SORBS2: variants seen among roughly 807,000 people sequenced by gnomAD.
The protein encoded by SORBS2 is sorbin and SH3 domain-containing protein 2.
Under a neutral mutation model 97.7 loss-of-function variants are expected in SORBS2, and 46 were observed. The ratio of observed to expected loss-of-function variants is 0.47; its 90% CI spans 0.37 to 0.60. The LOEUF (loss-of-function observed/expected upper bound fraction) is 0.60, where lower values mean the gene tolerates loss of function less well. Among genes scored for constraint, SORBS2 ranks in the 20% least tolerant of loss-of-function variants. The probability of loss-of-function intolerance (pLI) is 0.00; values close to 1 mark genes in which losing one functional copy is unlikely to be tolerated. For missense variants in SORBS2, 1,316 were observed against 1,282.3 expected (o/e 1.03, Z -0.40); for synonymous variants, 476 against 473.4 (o/e 1.01, Z -0.07).
chr4:185,810,108 T>C (rs2099173422), intron 1 of SORBS2, among the ~76,000 whole-genome samples: 1 of 152,240 alleles, frequency 6.6e-6, no homozygotes, highest in African/African-American at 2.4e-5. Context: ...TTAAACATAA[T>C]GAAGTACAAG....
intron 1 of SORBS2, among the ~76,000 whole-genome samples, chr4:185,897,972 G>T (rs539166570): frequency 6.6e-6 from 1 of 152,304 alleles, no homozygotes; most frequent in East Asian, 1.9e-4. Flanking sequence ...AGGAAGCAAA[G>T]GTTGCAGTGA....
At chr4:185,650,978 T>C (rs962802371) in intron 2 of SORBS2, among the ~76,000 whole-genome samples, 1 of 152,056 alleles carries the variant, frequency 6.6e-6, no homozygotes, top group African/African-American at 2.4e-5. Context: ...AGGAGGATCA[T>C]GCGACCCCAG....
rs144311200 is a variant in SORBS2 at position 185,600,727 on chromosome 4, T to G, written c.2797-6792A>C. On this transcript the variant is annotated intron_variant, in intron 12 of 14. Coordinates refer to ENST00000418609, the Ensembl canonical transcript of SORBS2. Reference sequence around the variant, plus strand: ...CTGCTTTTTCATCTTATTGAAGGGATGCAAGGTGAGATAGAGGAGAATTTG... The same window carrying G: ...CTGCTTTTTCATCTTATTGAAGGGAGGCAAGGTGAGATAGAGGAGAATTTG... Among the ~76,000 whole-genome samples the G allele has an allele frequency of 3.4e-3, 524 of 152,314 alleles. 3 individuals carry two copies. The highest frequency in any genetic ancestry group is 0.012 in the African/African-American group (501 of 41,564).
At chr4:185,651,675 T>C in intron 2 of SORBS2, 109 bp downstream of exon 11, 2 of 744,880 alleles carry the variant, frequency 2.7e-6, no homozygotes, top group Non-Finnish European at 4.9e-6. Flanking sequence ...TCCTAATATA[T>C]GAACTGAAAA....
chr4:185,912,934 T>G (rs2099256119), intron 1 of SORBS2, among the ~76,000 whole-genome samples: 1 of 152,184 alleles, frequency 6.6e-6, no homozygotes, highest in South Asian at 2.1e-4. Flanking sequence ...TAACACCCAT[T>G]ATTGTGCTGC....
At chr4:185,598,094 T>C (rs112987366) in intron 12 of SORBS2, among the ~76,000 whole-genome samples, 5 of 152,314 alleles carry the variant, frequency 3.3e-5, no homozygotes, top group African/African-American at 1.2e-4. Context: ...AATATACACT[T>C]GTGACATTCA....
chr4:185,910,502 G>A (rs766579271), intron 1 of SORBS2, among the ~76,000 whole-genome samples: 5 of 152,126 alleles, frequency 3.3e-5, no homozygotes, highest in Non-Finnish European at 5.9e-5. Context: ...CACAGATAGA[G>A]CTTGAAGATC....
At chr4:185,612,687 A>G (rs2096560607) in intron 11 of SORBS2, among the ~76,000 whole-genome samples, 1 of 151,974 alleles carries the variant, frequency 6.6e-6, no homozygotes, top group African/African-American at 2.4e-5. Flanking sequence ...TAGGGGTTTC[A>G]CCATGTTGGT....
intron 1 of SORBS2, among the ~76,000 whole-genome samples, chr4:185,928,793 A>G (rs570726261): frequency 1.2e-4 from 19 of 152,184 alleles, no homozygotes; most frequent in East Asian, 5.8e-4. Context: ...TGATCCGCCC[A>G]CCTCGGCCTC....
Position 185,623,393 on chromosome 4 carries a change from T to C in SORBS2, c.1736A>G (p.Glu579Gly), listed in dbSNP as rs755472291. Residue 579 changes from glutamate (E) to glycine (G), a missense_variant, in exon 7 of 15, where the codon GAA becomes GGA. Transcript: ENST00000418609. This position sits in a 1 kb window ranked among gnomAD's most constrained non-coding sequence, Gnocchi z 6.4. ...CTCGGTGTTTTCGTGTCTGGCTCTT[T>C]CGTGTTTTAACATTGTGGTAAATCG... 4 of 1,612,444 alleles carry C rather than the reference T, an allele frequency of 2.5e-6. No individual in the cohort carries two copies. The highest frequency in any genetic ancestry group is 3.4e-6 in the Non-Finnish European group (4 of 1,180,034).
chr4:185,627,308 C>T (rs2096831742), intron 5 of SORBS2, among the ~76,000 whole-genome samples: 1 of 152,200 alleles, frequency 6.6e-6, no homozygotes, highest in Non-Finnish European at 1.5e-5. Flanking sequence ...CTCCTGGGCT[C>T]AAGGGATACT....
At chr4:185,746,447 G>A (rs572588621) in intron 2 of SORBS2, among the ~76,000 whole-genome samples, 1 of 152,276 alleles carries the variant, frequency 6.6e-6, no homozygotes, top group Non-Finnish European at 1.5e-5. Flanking sequence ...CTCCCGAGTA[G>A]CTGGGACTAG....
chr4:185,637,134 T>G (rs935085897), intron 4 of SORBS2, among the ~76,000 whole-genome samples: 1 of 152,292 alleles, frequency 6.6e-6, no homozygotes, highest in Non-Finnish European at 1.5e-5. Flanking sequence ...TACAGTCATG[T>G]GTTGCATAAT....
At chr4:185,942,507 T>C (rs980643581) in intron 1 of SORBS2, among the ~76,000 whole-genome samples, 17 of 152,008 alleles carry the variant, frequency 1.1e-4, no homozygotes, top group Non-Finnish European at 7.4e-5. Context: ...CCCACCACCA[T>C]GCCCAGCTGA....
intron 2 of SORBS2, among the ~76,000 whole-genome samples, chr4:185,754,527 G>A (rs1469118804): frequency 6.6e-6 from 1 of 152,174 alleles, no homozygotes; most frequent in Non-Finnish European, 1.5e-5. Context: ...CACGTTTTAT[G>A]TATAATCACT....
chr4:185,683,896 A>G (rs150745671), intron 2 of SORBS2, among the ~76,000 whole-genome samples: 3 of 152,312 alleles, frequency 2.0e-5, no homozygotes, highest in Admixed American at 2.0e-4. Flanking sequence ...TGATATGCAT[A>G]ATGAGAATTA....
intron 2 of SORBS2, among the ~76,000 whole-genome samples, chr4:185,743,404 G>A (rs1459797871): frequency 1.3e-5 from 2 of 152,150 alleles, no homozygotes; most frequent in African/African-American, 4.8e-5. Context: ...ACCTGGGATG[G>A]TGAAGAACAG....
intron 1 of SORBS2, among the ~76,000 whole-genome samples, chr4:185,904,273 G>A (rs987237051): frequency 7.9e-5 from 12 of 152,206 alleles, no homozygotes; most frequent in Non-Finnish European, 1.5e-4. Context: ...GGGAAGGAAC[G>A]TCACAGGATT....
chr4:185,604,866 G>T (rs2096369487), intron 12 of SORBS2, among the ~76,000 whole-genome samples: 1 of 152,126 alleles, frequency 6.6e-6, no homozygotes, highest in Non-Finnish European at 1.5e-5. Context: ...TAACTTGCGT[G>T]TAAAGTAGGT....
Sources: gnomAD v4.1 joint callset for allele counts (sites outside exome capture counted in the v4.1 genomes callset) on GRCh38, gnomAD v4.1.1 for gene constraint, Gnocchi (gnomAD v3.1) non-coding constraint, MANE v1.5 for transcripts, NCBI Gene and HGNC (gene_info 2026-07-23, HGNC 2026-07-21) for gene names.